The following FSTL5 variants were observed in gnomAD, a reference collection of about 807,000 sequenced individuals.
FSTL5 encodes follistatin-related protein 5.
FSTL5 carries 62 observed loss-of-function variants against 89.1 expected under a neutral mutation model. The ratio of observed to expected loss-of-function variants is 0.70; its 90% confidence interval spans 0.57 to 0.86. FSTL5 has a LOEUF of 0.86. Among genes scored for constraint, FSTL5 ranks in the 40% least tolerant of loss-of-function variants. The pLI, the probability that FSTL5 is intolerant of heterozygous loss-of-function variation, is 0.00. For synonymous variants in FSTL5, 383 were observed against 346.2 expected (o/e 1.11, Z -1.18); for missense variants, 1,057 against 1,001.6 (o/e 1.06, Z -0.75).
intron 8 of FSTL5, among the ~76,000 whole-genome samples, chr4:161,558,390 C>A (rs1236389606): frequency 6.6e-6 from 1 of 151,698 alleles, no homozygotes; most frequent in East Asian, 1.9e-4. Context: ...TGCATTGTTA[C>A]TTAAAACTGC....
At chr4:161,839,668 A>C (rs189635896) in intron 4 of FSTL5, among the ~76,000 whole-genome samples, 1 of 152,230 alleles carries the variant, frequency 6.6e-6, no homozygotes, top group Non-Finnish European at 1.5e-5. Flanking sequence ...AATCTATTTT[A>C]AGTGGTCAAC....
Position 162,144,954 on chromosome 4 carries a change from A to G in FSTL5, c.-17+18661T>C, listed in dbSNP as rs116641279. On this transcript the variant is annotated intron_variant, in intron 1 of 15. Coordinates refer to ENST00000306100, the MANE Select transcript of FSTL5 (RefSeq NM_020116.5). ...ATTTTAAAAAATAAGTTTCCATATTATACAATTCATTATACAATGAATACA... is the reference window on the plus strand; with the variant it reads ...ATTTTAAAAAATAAGTTTCCATATTGTACAATTCATTATACAATGAATACA... 4.3e-3 allele frequency among the ~76,000 whole-genome samples: 652 copies of G among 152,080 alleles called. 6 individuals are homozygous for G. The highest frequency in any genetic ancestry group is 0.015 in the African/African-American group (625 of 41,532).
At chr4:161,606,208 C>A (rs1367310103) in intron 7 of FSTL5, among the ~76,000 whole-genome samples, 1 of 151,238 alleles carries the variant, frequency 6.6e-6, no homozygotes, top group Non-Finnish European at 1.5e-5. Context: ...CAAGCTGACC[C>A]CCAAATTTTC....
chr4:161,591,100 AG>A (rs1439263266), intron 7 of FSTL5, among the ~76,000 whole-genome samples: 1 of 152,244 alleles, frequency 6.6e-6, no homozygotes, highest in Non-Finnish European at 1.5e-5. Flanking sequence ...GACAATAAAA[AG>A]GAATAAAGTA....
chr4:161,862,873 C>G (rs1203650183), intron 4 of FSTL5, among the ~76,000 whole-genome samples: 1 of 152,084 alleles, frequency 6.6e-6, no homozygotes, highest in Non-Finnish European at 1.5e-5. Flanking sequence ...AAAATAAAAG[C>G]TGTAAATGTA....
chr4:161,692,844 C>T (rs1737994075), intron 6 of FSTL5, among the ~76,000 whole-genome samples: 1 of 152,136 alleles, frequency 6.6e-6, no homozygotes, highest in Non-Finnish European at 1.5e-5. Flanking sequence ...CTGCCTCAGC[C>T]TTACAAGTAG....
intron 15 of FSTL5, among the ~76,000 whole-genome samples, chr4:161,422,339 G>A (rs1210529889): frequency 2.0e-5 from 3 of 152,066 alleles, no homozygotes; most frequent in Non-Finnish European, 2.9e-5. Flanking sequence ...TTAAAAAAAT[G>A]TCTTTCGATG....
chr4:161,589,412 A>T (rs546947094), intron 7 of FSTL5, among the ~76,000 whole-genome samples: 18 of 152,012 alleles, frequency 1.2e-4, no homozygotes, highest in African/African-American at 4.1e-4. Flanking sequence ...CGAACTCCTG[A>T]CCTCAGGTGA....
intron 6 of FSTL5, among the ~76,000 whole-genome samples, chr4:161,729,634 C>A (rs1739539389): frequency 6.6e-6 from 1 of 152,168 alleles, no homozygotes; most frequent in African/African-American, 2.4e-5. Context: ...AAAAACGATA[C>A]TGAATTATGA....
chr4:161,989,927 C>T (rs1736065733), intron 3 of FSTL5, among the ~76,000 whole-genome samples: 1 of 152,088 alleles, frequency 6.6e-6, no homozygotes, highest in Admixed American at 6.5e-5. Flanking sequence ...CTCTTGATTA[C>T]GTTGGTGGTG....
chr4:161,793,244 G>T (rs1041553786), intron 4 of FSTL5, among the ~76,000 whole-genome samples: 1 of 152,156 alleles, frequency 6.6e-6, no homozygotes, highest in Non-Finnish European at 1.5e-5. Flanking sequence ...ACCACTCCAT[G>T]CCTGGCTCAC....
chr4:161,691,727 T>C (rs1323652247), intron 6 of FSTL5, among the ~76,000 whole-genome samples: 1 of 152,158 alleles, frequency 6.6e-6, no homozygotes, highest in African/African-American at 2.4e-5. Flanking sequence ...CATACAAGTC[T>C]TTTAGCTCCT....
At chr4:162,037,201 T>C (rs1273663822) in intron 2 of FSTL5, among the ~76,000 whole-genome samples, 1 of 151,780 alleles carries the variant, frequency 6.6e-6, no homozygotes, top group Non-Finnish European at 1.5e-5. Context: ...AGAATATAAT[T>C]GGGGGCAAAA....
At chr4:162,146,792 T>C (rs1319665188) in intron 1 of FSTL5, among the ~76,000 whole-genome samples, 1 of 150,474 alleles carries the variant, frequency 6.6e-6, no homozygotes, top group Non-Finnish European at 1.5e-5. Context: ...TTGTTTTCTT[T>C]TTGTGTGTGT....
intron 2 of FSTL5, among the ~76,000 whole-genome samples, chr4:162,038,271 T>C (rs543204726): frequency 1.2e-4 from 18 of 151,966 alleles, no homozygotes; most frequent in African/African-American, 4.3e-4. Context: ...TTGGAAGAAT[T>C]CCAAAGTGCT....
At chr4:161,969,005 G>C (rs1441801166) in intron 3 of FSTL5, among the ~76,000 whole-genome samples, 1 of 149,386 alleles carries the variant, frequency 6.7e-6, no homozygotes, top group East Asian at 2.1e-4. Context: ...CCAAGGCCTT[G>C]TCCCTATTCA....
chr4:162,111,475 A>G, intron 1 of FSTL5, 63 bp from the exon 2 acceptor site: 1 of 1,277,514 alleles, frequency 7.8e-7, no homozygotes. Context: ...AACATGTATC[A>G]TGAAATATTT....
chr4:161,830,352 A>C (rs1462216103), intron 4 of FSTL5, among the ~76,000 whole-genome samples: 1 of 152,090 alleles, frequency 6.6e-6, no homozygotes, highest in East Asian at 1.9e-4. Flanking sequence ...AGTAAGGATT[A>C]ACAGTAAACA....
chr4:161,734,033 T>C (rs1739706760), intron 6 of FSTL5, among the ~76,000 whole-genome samples: 1 of 152,102 alleles, frequency 6.6e-6, no homozygotes, highest in Non-Finnish European at 1.5e-5. Flanking sequence ...TATTTTTGAA[T>C]TACGTATTTA....
Sources: allele counts gnomAD v4.1 joint callset (sites outside exome capture counted in the v4.1 genomes callset), GRCh38; gene constraint gnomAD v4.1.1; transcripts MANE v1.5; gene names NCBI Gene and HGNC (gene_info 2026-07-23, HGNC 2026-07-21).